Variants in TESK2 observed in about 807,000 individuals in gnomAD.
TESK2 encodes testis associated actin remodelling kinase 2.
TESK2 carries 39 observed loss-of-function variants against 57.1 expected under a neutral mutation model. The ratio of observed to expected loss-of-function variants is 0.68; its 90% CI spans 0.53 to 0.89. The LOEUF (loss-of-function observed/expected upper bound fraction) is 0.89, where lower values mean the gene tolerates loss of function less well. Among genes scored for constraint, TESK2 ranks in the 40% least tolerant of loss-of-function variants. The pLI is 0.00. For missense variants in TESK2, 646 were observed against 732.1 expected, an observed-to-expected ratio of 0.88 and a Z score of 1.36; for synonymous variants, 249 against 267.9, an observed-to-expected ratio of 0.93 and a Z score of 0.69.
chr1:45,429,319 C>T (rs1013787149), intron 2 of TESK2, among the ~76,000 whole-genome samples: 4 of 151,892 alleles, frequency 2.6e-5, no homozygotes, highest in Non-Finnish European at 4.4e-5. Flanking sequence ...TCGCTTGAAC[C>T]CGAGAGGCAG....
At chr1:45,451,138 C>CGTA (rs1158312619) in intron 2 of TESK2, among the ~76,000 whole-genome samples, 1 of 152,206 alleles carries the variant, frequency 6.6e-6, no homozygotes, top group Admixed American at 6.5e-5. Context: ...CACTGCCTTA[C>CGTA]AGCTGGACTT....
intron 2 of TESK2, among the ~76,000 whole-genome samples, chr1:45,426,753 A>AC (rs1461074064): frequency 1.3e-5 from 2 of 152,224 alleles, no homozygotes; most frequent in Non-Finnish European, 2.9e-5. Context: ...ATAGGAAAAA[A>AC]AAATCTAACA....
intron 3 of TESK2, among the ~76,000 whole-genome samples, chr1:45,398,359 T>TG (rs1203547050): frequency 2.0e-5 from 3 of 152,144 alleles, no homozygotes; most frequent in East Asian, 3.9e-4. Context: ...CTGGCCAACA[T>TG]GGAGAAACCC....
chr1:45,459,670 C>T (rs1184057291), intron 1 of TESK2, among the ~76,000 whole-genome samples: 1 of 152,006 alleles, frequency 6.6e-6, no homozygotes, highest in Admixed American at 6.6e-5. Flanking sequence ...AGTGAGACCT[C>T]GTCTGTATGA....
At chr1:45,457,481 A>T in intron 2 of TESK2, 83 bp downstream of exon 2, 1 of 1,289,292 alleles carries the variant, frequency 7.8e-7, no homozygotes, top group Non-Finnish European at 1.1e-6. Context: ...GGCAAATCCT[A>T]CATCCTAATT....
chr1:45,384,038 T>C (rs780956867), intron 4 of TESK2, among the ~76,000 whole-genome samples: 2 of 152,208 alleles, frequency 1.3e-5, no homozygotes, highest in Non-Finnish European at 2.9e-5. Flanking sequence ...GTCACTGTTA[T>C]TTTGTTCAAA....
chr1:45,429,262 G>A (rs887689297), intron 2 of TESK2, among the ~76,000 whole-genome samples: 3 of 152,146 alleles, frequency 2.0e-5, no homozygotes, highest in African/African-American at 7.2e-5. Context: ...CAGGCGTGAT[G>A]GTGCGTGTCT....
intron 1 of TESK2, among the ~76,000 whole-genome samples, chr1:45,482,990 A>G (rs2149308526): frequency 6.6e-6 from 1 of 151,646 alleles, no homozygotes; most frequent in East Asian, 1.9e-4. Context: ...CAAAAAAAAA[A>G]AAAAAATGTC....
chr1:45,447,583 T>TC (rs1381967600), intron 2 of TESK2, among the ~76,000 whole-genome samples: 1 of 152,006 alleles, frequency 6.6e-6, no homozygotes, highest in Non-Finnish European at 1.5e-5. Flanking sequence ...GTTAACTTTT[T>TC]TTTTTAATAA....
intron 2 of TESK2, among the ~76,000 whole-genome samples, chr1:45,446,039 TAGA>T (rs1223711423): frequency 2.0e-5 from 3 of 152,120 alleles, no homozygotes; most frequent in African/African-American, 7.2e-5. Flanking sequence ...CCAATTATCC[TAGA>T]AGAATAGGAA....
At chr1:45,478,465 C>G (rs1308617017) in intron 1 of TESK2, among the ~76,000 whole-genome samples, 1 of 152,136 alleles carries the variant, frequency 6.6e-6, no homozygotes, top group Non-Finnish European at 1.5e-5. Flanking sequence ...TATGGCAATA[C>G]AAAGTATAAT....
Position 45,436,423 on chromosome 1 carries a change from G to T in TESK2, c.223-14577C>A, listed in dbSNP as rs112942172. On this transcript the variant is annotated intron_variant, in intron 2 of 10. Coordinates refer to ENST00000372086, the MANE Select transcript of TESK2 (RefSeq NM_007170.3). ...TGGTCGCAAACTCCTGACCTCAGAA[G>T]ATCCGCCTACTTCGGCCTCCCAAAG... Among the ~76,000 whole-genome samples, 719 of 143,704 alleles carry T rather than the reference G, an allele frequency of 5.0e-3. 7 individuals are homozygous for T. Among genetic ancestry groups the T allele is most frequent in the African/African-American group, 0.017 (679 of 38,990 alleles). 94.3% of individuals were successfully genotyped at this position (143,704 alleles called of 152,430 possible).
At chr1:45,480,786 G>A (rs756367115) in intron 1 of TESK2, among the ~76,000 whole-genome samples, 1 of 151,218 alleles carries the variant, frequency 6.6e-6, no homozygotes, top group Non-Finnish European at 1.5e-5. Context: ...TCAGGAGTTC[G>A]AGACTAGCCT....
chr1:45,408,953 G>A (rs917219871), intron 3 of TESK2, among the ~76,000 whole-genome samples: 8 of 152,170 alleles, frequency 5.3e-5, no homozygotes, highest in Admixed American at 2.0e-4. Flanking sequence ...AAGAAATGGG[G>A]ATGTTGACTT....
intron 3 of TESK2, among the ~76,000 whole-genome samples, chr1:45,412,207 A>G (rs1650061141): frequency 6.6e-6 from 1 of 152,254 alleles, no homozygotes; most frequent in African/African-American, 2.4e-5. Context: ...CTATACAACC[A>G]GAGCTGAGTA....
chr1:45,431,506 T>G (rs1029861257), intron 2 of TESK2, among the ~76,000 whole-genome samples: 6 of 152,030 alleles, frequency 3.9e-5, no homozygotes, highest in Non-Finnish European at 5.9e-5. Context: ...ACTTTTTACT[T>G]CCCCCTTATT....
chr1:45,403,023 C>T (rs1649691170), intron 3 of TESK2, among the ~76,000 whole-genome samples: 1 of 151,678 alleles, frequency 6.6e-6, no homozygotes, highest in Admixed American at 6.6e-5. Context: ...GCAGCTCACA[C>T]CTGTAATCCC....
intron 3 of TESK2, among the ~76,000 whole-genome samples, chr1:45,389,793 T>C (rs1041358718): frequency 2.0e-5 from 3 of 152,170 alleles, no homozygotes; most frequent in African/African-American, 7.2e-5. Flanking sequence ...TTATGAGAAT[T>C]AAATGGGATA....
In TESK2 at chr1:45,345,030, G is replaced by A. The variant is rs749056420; in HGVS notation, c.1526C>T (p.Ala509Val). 2.5e-6 allele frequency: 4 copies of A among 1,614,254 alleles called. No homozygotes were observed. The highest frequency in any genetic ancestry group is 3.4e-6 in the Non-Finnish European group (4 of 1,180,048). ...FRASALPAAQ[A>V]HEAMDCSILQ... ...AATGGAGCAGTCCATAGCCTCATGG[G>A]CTTGAGCAGCTGGTAGGGCAGATGC... The change falls in exon 11 of 11, where the codon GCC becomes GTC. Residue 509 changes from alanine to valine, a missense_variant. Transcript: ENST00000372086.
Sources: gnomAD v4.1 joint callset for allele counts (sites outside exome capture counted in the v4.1 genomes callset) on GRCh38, gnomAD v4.1.1 for gene constraint, MANE v1.5 for transcripts, NCBI Gene and HGNC (gene_info 2026-07-23, HGNC 2026-07-21) for gene names.